KCNJ12: variants seen among roughly 807,000 people sequenced by gnomAD.
The protein encoded by KCNJ12 is ATP-sensitive inward rectifier potassium channel 12.
KCNJ12 carries 2 observed loss-of-function variants against 22.3 expected under a neutral mutation model. That is an observed-to-expected ratio of 0.09 (90% CI 0.04 to 0.28). The LOEUF (loss-of-function observed/expected upper bound fraction) is 0.28. KCNJ12 is among the 10% of genes least tolerant of loss of function. The pLI is 1.00. For synonymous variants in KCNJ12, 117 were observed against 261.4 expected, an observed-to-expected ratio of 0.45 and a Z score of 5.33; for missense variants, 155 against 633.3, an observed-to-expected ratio of 0.24 and a Z score of 8.11.
At chr17:21,382,552 A>G (rs1468516993) in intron 1 of KCNJ12, among the ~76,000 whole-genome samples, 1 of 152,166 alleles carries the variant, frequency 6.6e-6, no homozygotes, top group African/African-American at 2.4e-5. Context: ...TATGATTTGC[A>G]ATGATCAACT....
In KCNJ12 at chr17:21,409,497, G is replaced by A. The variant is rs1172214253; in HGVS notation, c.-57+857G>A. Among the ~76,000 whole-genome samples the A allele has an allele frequency of 2.6e-5, 4 of 152,312 alleles. No individual in the cohort carries two copies. In the East Asian group the frequency reaches 7.7e-4, roughly 29 times the overall value. ...TGAGAAAGAGAAGGAAGTGATAAAG[G>A]GCATGTCATTGATACAGTTACTGCT... On this transcript the variant is annotated intron_variant, in intron 2 of 2. Coordinates refer to ENST00000583088, the MANE Select transcript of KCNJ12 (RefSeq NM_021012.5).
At chr17:21,398,331 G>C (rs537881899) in intron 1 of KCNJ12, among the ~76,000 whole-genome samples, 1 of 152,164 alleles carries the variant, frequency 6.6e-6, no homozygotes, top group Non-Finnish European at 1.5e-5. Flanking sequence ...TCTGGTACCC[G>C]AGGCCCTGCC....
chr17:21,383,394 G>A (rs930666367), intron 1 of KCNJ12, among the ~76,000 whole-genome samples: 2 of 152,220 alleles, frequency 1.3e-5, no homozygotes, highest in South Asian at 2.1e-4. Context: ...CAGGGCTGGG[G>A]GGCGCCGAGG....
intron 1 of KCNJ12, among the ~76,000 whole-genome samples, chr17:21,377,580 C>T (rs566589185): frequency 1.3e-4 from 20 of 152,188 alleles, no homozygotes; most frequent in African/African-American, 4.8e-4. Flanking sequence ...GGCCAGGGTC[C>T]ACCCTGCGCG....
At chr17:21,390,194 C>T (rs143730702) in intron 1 of KCNJ12, among the ~76,000 whole-genome samples, 1,598 of 152,306 alleles carry the variant, frequency 0.01, 25 homozygotes, top group African/African-American at 0.035. Flanking sequence ...ACTGTCACCC[C>T]TCACCCACAG....
At chr17:21,380,495 A>G (rs943156250) in intron 1 of KCNJ12, among the ~76,000 whole-genome samples, 1 of 152,118 alleles carries the variant, frequency 6.6e-6, no homozygotes, top group African/African-American at 2.4e-5. Context: ...TGCCACCAAG[A>G]TGGGGTCACT....
At chr17:21,413,764 TG>T (rs1906517946) in intron 2 of KCNJ12, among the ~76,000 whole-genome samples, 1 of 152,308 alleles carries the variant, frequency 6.6e-6, no homozygotes, top group African/African-American at 2.4e-5. Flanking sequence ...GAGCAGGCTT[TG>T]TTCTGGCTGG....
At position 21,411,458 on chromosome 17, in the gene KCNJ12, A is replaced by T. The variant is rs1206918525; in HGVS notation, c.-57+2818A>T. Among the ~76,000 whole-genome samples the T allele has an allele frequency of 7.7e-4, 117 of 151,876 alleles. No individual in the cohort carries two copies. The East Asian group carries it at 0.022, about 28-fold the overall frequency. On this transcript the variant is annotated intron_variant, in intron 2 of 2. Transcript: ENST00000583088. Reference sequence around the variant, plus strand: ...TTGCTTCACTGCCCCTTGGTGTTGAAACCGCCTTGTCTAGCTCAGGTAGTG... The same window carrying T: ...TTGCTTCACTGCCCCTTGGTGTTGATACCGCCTTGTCTAGCTCAGGTAGTG...
intron 1 of KCNJ12, among the ~76,000 whole-genome samples, chr17:21,396,088 G>A (rs957184336): frequency 6.6e-6 from 1 of 152,102 alleles, no homozygotes; most frequent in African/African-American, 2.4e-5. Flanking sequence ...GCTGCCCTGG[G>A]CCCCCGGGCG....
At chr17:21,406,741 G>T (rs868971840) in intron 1 of KCNJ12, among the ~76,000 whole-genome samples, 1,447 of 151,936 alleles carry the variant, frequency 9.5e-3, no homozygotes, top group African/African-American at 0.034. Flanking sequence ...TGAGGTGGGG[G>T]TGACTTACCA....
intron 1 of KCNJ12, among the ~76,000 whole-genome samples, chr17:21,401,624 G>A (rs1265372755): frequency 1.3e-5 from 2 of 152,226 alleles, no homozygotes; most frequent in East Asian, 3.9e-4. Context: ...GGACAGGGAA[G>A]GGGTGGTCCC....
chr17:21,391,505 C>T (rs553323824), intron 1 of KCNJ12, among the ~76,000 whole-genome samples: 137 of 152,348 alleles, frequency 9.0e-4, no homozygotes, highest in African/African-American at 3.2e-3. Flanking sequence ...GCTTTGGAAA[C>T]GTTTAGGACA....
intron 2 of KCNJ12, among the ~76,000 whole-genome samples, chr17:21,414,008 G>A (rs2142077893): frequency 6.6e-6 from 1 of 152,426 alleles, no homozygotes; most frequent in South Asian, 2.1e-4. Flanking sequence ...ATGTCTGGGT[G>A]CCAGATCTTA....
chr17:21,394,886 C>A (rs1905300296), intron 1 of KCNJ12, among the ~76,000 whole-genome samples: 1 of 152,196 alleles, frequency 6.6e-6, no homozygotes. Flanking sequence ...GCTGGGGCCA[C>A]AGCAAACGGG....
chr17:21,411,746 G>A (rs4021108), intron 2 of KCNJ12, among the ~76,000 whole-genome samples: 15,977 of 137,852 alleles, frequency 0.12, no homozygotes, highest in East Asian at 0.26. Context: ...TGATTTCACT[G>A]TATGCACCCC....
chr17:21,397,250 G>C (rs1905397282), intron 1 of KCNJ12, among the ~76,000 whole-genome samples: 1 of 152,194 alleles, frequency 6.6e-6, no homozygotes, highest in South Asian at 2.1e-4. Context: ...AGCTTTCTCA[G>C]GGCGCAGTGA....
At chr17:21,382,115 T>C (rs532548112) in intron 1 of KCNJ12, among the ~76,000 whole-genome samples, 1 of 152,174 alleles carries the variant, frequency 6.6e-6, no homozygotes, top group East Asian at 1.9e-4. Context: ...TGGGAGGGAG[T>C]TGGGGCTTCC....
intron 1 of KCNJ12, among the ~76,000 whole-genome samples, chr17:21,377,270 A>C (rs1392362413): frequency 2.0e-5 from 3 of 151,242 alleles, no homozygotes; most frequent in Admixed American, 6.6e-5. Flanking sequence ...GTGCGGAAGC[A>C]CTCTGGCGCG....
intron 1 of KCNJ12, among the ~76,000 whole-genome samples, chr17:21,389,352 G>A (rs1234772335): frequency 1.3e-5 from 2 of 152,226 alleles, no homozygotes; most frequent in African/African-American, 4.8e-5. Flanking sequence ...TGGGCAGGGA[G>A]AGACCCTGCT....
Sources: gnomAD v4.1 joint callset for allele counts (sites outside exome capture counted in the v4.1 genomes callset) on GRCh38, gnomAD v4.1.1 for gene constraint, MANE v1.5 for transcripts, NCBI Gene and HGNC (gene_info 2026-07-23, HGNC 2026-07-21) for gene names.